Variants in IMMP2L observed in about 807,000 individuals in gnomAD.
IMMP2L encodes the protein mitochondrial inner membrane protease subunit 2.
A neutral mutation model predicts 19.3 loss-of-function variants in IMMP2L; 18 were observed. The observed-to-expected ratio is 0.93, with a 90% CI of 0.64 to 1.38. The LOEUF (loss-of-function observed/expected upper bound fraction) is 1.38. IMMP2L is among the 40% of genes most tolerant of loss of function. IMMP2L has a pLI of 0.00. For missense variants in IMMP2L, 233 were observed against 218.2 expected, an observed-to-expected ratio of 1.07 and a Z score of -0.43; for synonymous variants, 76 against 73.0, an observed-to-expected ratio of 1.04 and a Z score of -0.21.
intron 3 of IMMP2L, among the ~76,000 whole-genome samples, chr7:111,035,396 T>C (rs13243155): frequency 6.6e-6 from 1 of 152,162 alleles, no homozygotes; most frequent in Non-Finnish European, 1.5e-5. Context: ...AACACAAATA[T>C]GGACAACATA....
chr7:111,272,076 T>C (rs1818528310), intron 3 of IMMP2L, among the ~76,000 whole-genome samples: 1 of 152,182 alleles, frequency 6.6e-6, no homozygotes, highest in Non-Finnish European at 1.5e-5. Context: ...ATAACTGTTA[T>C]AAAACATAAA....
chr7:111,300,144 T>G (rs1822065378), intron 3 of IMMP2L, among the ~76,000 whole-genome samples: 2 of 152,196 alleles, frequency 1.3e-5, no homozygotes, highest in African/African-American at 4.8e-5. Context: ...CAGAGTCAAA[T>G]GCCTGTAACA....
intron 2 of IMMP2L, among the ~76,000 whole-genome samples, chr7:111,491,252 T>C (rs1032283413): frequency 1.3e-5 from 2 of 152,160 alleles, no homozygotes; most frequent in Non-Finnish European, 2.9e-5. Flanking sequence ...TCTCACTGTT[T>C]ATGTTAACAG....
chr7:110,819,299 G>A (rs865782577), intron 5 of IMMP2L, among the ~76,000 whole-genome samples: 81 of 151,964 alleles, frequency 5.3e-4, no homozygotes, highest in African/African-American at 1.8e-3. Context: ...GAGGTTCGGA[G>A]GCTGGGAGAG....
chr7:111,298,758 C>CAAA (rs36095137), intron 3 of IMMP2L, among the ~76,000 whole-genome samples: 139 of 116,070 alleles, frequency 1.2e-3, no homozygotes, highest in Middle Eastern at 0.01. Flanking sequence ...GACTCTGCCT[C>CAAA]AAAAAAAAAA....
intron 3 of IMMP2L, among the ~76,000 whole-genome samples, chr7:111,434,287 T>C (rs1047970823): frequency 2.6e-5 from 4 of 151,818 alleles, no homozygotes; most frequent in Non-Finnish European, 5.9e-5. Flanking sequence ...CAAAGTCTTA[T>C]GTTCTGGTCT....
intron 2 of IMMP2L, among the ~76,000 whole-genome samples, chr7:111,494,098 G>T (rs767542148): frequency 6.6e-6 from 1 of 152,138 alleles, no homozygotes; most frequent in Non-Finnish European, 1.5e-5. Context: ...TATGGCCACA[G>T]AATCTGTATT....
intron 5 of IMMP2L, among the ~76,000 whole-genome samples, chr7:110,822,224 T>A (rs1346388836): frequency 6.6e-6 from 1 of 152,146 alleles, no homozygotes; most frequent in Non-Finnish European, 1.5e-5. Context: ...TTTCCTTCAA[T>A]CTTACATTGT....
chr7:111,548,209 C>T (rs1849116058), intron 1 of IMMP2L, among the ~76,000 whole-genome samples: 1 of 65,460 alleles, frequency 1.5e-5, no homozygotes, highest in South Asian at 8.6e-4. Flanking sequence ...CTTCTATGTG[C>T]TTGCTACAAA....
At chr7:111,406,996 G>A (rs549859588) in intron 3 of IMMP2L, among the ~76,000 whole-genome samples, 22 of 152,110 alleles carry the variant, frequency 1.4e-4, no homozygotes, top group African/African-American at 4.3e-4. Context: ...TCTTTGAGCC[G>A]ACATATACAT....
intron 4 of IMMP2L, among the ~76,000 whole-genome samples, chr7:110,957,942 T>G (rs1420929530): frequency 6.6e-6 from 1 of 151,968 alleles, no homozygotes; most frequent in Non-Finnish European, 1.5e-5. Flanking sequence ...GTTTATTGTC[T>G]GCTTCTAACC....
intron 3 of IMMP2L, among the ~76,000 whole-genome samples, chr7:110,964,172 A>C (rs890391805): frequency 6.6e-6 from 1 of 152,064 alleles, no homozygotes; most frequent in Non-Finnish European, 1.5e-5. Context: ...AACTGAGTCA[A>C]TTAAACCTCT....
chr7:111,124,565 T>A (rs1178217823), intron 3 of IMMP2L: 1 of 1,613,720 alleles, frequency 6.2e-7, no homozygotes, highest in Admixed American at 1.7e-5. Flanking sequence ...ATTCCCACCA[T>A]CTATCAGAAA....
At chr7:111,483,428 T>C (rs1157187088) in intron 3 of IMMP2L, 3 of 150,672 alleles carry the variant, frequency 2.0e-5, no homozygotes, top group Non-Finnish European at 2.9e-5. Context: ...TAAGAGAGTA[T>C]GATGCCACCT....
At chr7:111,028,556 T>A (rs1327594252) in intron 3 of IMMP2L, among the ~76,000 whole-genome samples, 1 of 152,156 alleles carries the variant, frequency 6.6e-6, no homozygotes, top group Non-Finnish European at 1.5e-5. Flanking sequence ...TTATTTCTAA[T>A]GAAGATGGTA....
Position 111,514,962 on chromosome 7 carries a change from G to A in IMMP2L, c.135+6351C>T, listed in dbSNP as rs138655921. Among the ~76,000 whole-genome samples, 446 of 152,040 alleles carry A rather than the reference G, an allele frequency of 2.9e-3. 6 individuals are homozygous for A. The South Asian group carries it at 0.04, about 14-fold the overall frequency. ...GCTTGACCATTTTAGATAATCTCTT[G>A]TTGCTTTCTGCTATTTTCATTCTCC... On this transcript the variant is annotated intron_variant, in intron 2 of 5. Coordinates refer to ENST00000405709, the MANE Select transcript of IMMP2L (RefSeq NM_032549.4).
Position 111,452,906 on chromosome 7 carries a change from A to G in IMMP2L, c.239+34332T>C, listed in dbSNP as rs375041556. ...CCTATTATGTCACTTGTTGCTAGAA[A>G]GTAAGCTTCAAAAGGGCAGGGATCT... On this transcript the variant is annotated intron_variant, in intron 3 of 5. Transcript: ENST00000405709. Among the ~76,000 whole-genome samples the G allele has an allele frequency of 7.2e-5, 11 of 152,166 alleles. No homozygotes were observed. In the East Asian group the frequency reaches 2.1e-3, roughly 29 times the overall value.
intron 3 of IMMP2L, among the ~76,000 whole-genome samples, chr7:111,178,754 T>C (rs966455545): frequency 6.6e-6 from 1 of 152,060 alleles, no homozygotes; most frequent in Non-Finnish European, 1.5e-5. Context: ...AGCAATTCAG[T>C]TCCATCTTCA....
intron 3 of IMMP2L, among the ~76,000 whole-genome samples, chr7:111,018,703 T>C (rs1246845018): frequency 6.6e-6 from 1 of 151,842 alleles, no homozygotes. Context: ...CAATACCAAA[T>C]AGGTAGTAAA....
Sources: allele counts gnomAD v4.1 joint callset (sites outside exome capture counted in the v4.1 genomes callset), GRCh38; gene constraint gnomAD v4.1.1; transcripts MANE v1.5; gene names NCBI Gene and HGNC (gene_info 2026-07-23, HGNC 2026-07-21).